The following ZNF519 variants were observed in gnomAD, a reference collection of about 807,000 sequenced individuals.
ZNF519 encodes the protein similar to Zinc finger protein 85 (Zinc finger protein HPF4) (HTF1).
ZNF519 carries 7 observed loss-of-function variants against 7.4 expected under a neutral mutation model. That is an observed-to-expected ratio of 0.94 (90% confidence interval 0.54 to 1.77). The LOEUF is 1.77. Among genes scored for constraint, ZNF519 ranks in the 40% most tolerant of loss-of-function variants. The pLI, the probability that ZNF519 is intolerant of heterozygous loss-of-function variation, is 0.00. For synonymous variants in ZNF519, 179 were observed against 203.3 expected (o/e 0.88, Z 1.02); for missense variants, 586 against 623.1 (o/e 0.94, Z 0.63).
intron 2 of ZNF519, among the ~76,000 whole-genome samples, chr18:14,114,485 A>G (rs2046236628): frequency 6.6e-6 from 1 of 152,092 alleles, no homozygotes; most frequent in South Asian, 2.1e-4. Context: ...CTACTGTTTC[A>G]CTGATCAATA....
intron 2 of ZNF519, among the ~76,000 whole-genome samples, chr18:14,094,284 C>G (rs2046125668): frequency 6.6e-6 from 1 of 152,220 alleles, no homozygotes; most frequent in Non-Finnish European, 1.5e-5. Flanking sequence ...AACATTATGT[C>G]TCTTTCTAAA....
Position 14,109,052 on chromosome 18 carries a change from A to G in ZNF519, c.131-2643T>C, listed in dbSNP as rs562991972. The stretch of plus-strand genomic sequence containing the variant: ...AACCTGGGAGGCAGAGGTTGCAGGG[A>G]GCCCAGATTGCACCATTGTACTCCA... On this transcript the variant is annotated intron_variant, in intron 2 of 2. Transcript: ENST00000590202. 6.6e-4 allele frequency among the ~76,000 whole-genome samples: 100 copies of G among 152,110 alleles called. 2 individuals carry two copies. The South Asian group carries it at 7.7e-3, about 12-fold the overall frequency.
chr18:14,106,133 G>GTA lies in ZNF519; in HGVS notation c.405_406dup (p.Thr136IlefsTer8). 1 of 1,611,830 alleles carries GTA rather than the reference G, an allele frequency of 6.2e-7. No individual in the cohort carries two copies. The highest frequency in any genetic ancestry group is 8.5e-7 in the Non-Finnish European group (1 of 1,179,482). On this transcript the variant is annotated frameshift_variant, in exon 3 of 3. Transcript: ENST00000590202. LOFTEE classifies it low-confidence loss of function (END_TRUNC). ...TTTATTCATAGGAATACATGGTTCT[G>GTA]TAGGAGCAGCTGACAGAAACTGAGG...
downstream of ZNF519, chr18:14,074,036 C>T (rs1449659657): frequency 6.6e-6 from 1 of 152,174 alleles, no homozygotes; most frequent in African/African-American, 2.4e-5. Context: ...TGTGATCAAA[C>T]CTAGAAGATT....
rs559663330 is a variant in ZNF519 at position 14,105,793 on chromosome 18, T to C, written c.747A>G (p.Gln249=). 111 of 1,609,622 alleles carry C rather than the reference T, an allele frequency of 6.9e-5. No individual in the cohort carries two copies. The highest frequency in any genetic ancestry group is 8.1e-5 in the Non-Finnish European group (96 of 1,178,932). Residue 249 remains glutamine (Q), a synonymous_variant, in exon 3 of 3, where the codon CAA becomes CAG. Transcript: ENST00000590202. The part of the protein sequence containing the change: ...CNKKCIIVFS[Q]SHLKGHKIIN... ...TTATCTTATGTCCCTTTAGATGTGA[T>C]TGACTAAAGACTATTATACATTTTT...
At chr18:14,096,644 T>C (rs1196772074), downstream of ZNF519, among the ~76,000 whole-genome samples, 1 of 152,088 alleles carries the variant, frequency 6.6e-6, no homozygotes, top group Non-Finnish European at 1.5e-5. Flanking sequence ...GTCTCCCGAG[T>C]AGCTAGGATC....
At chr18:14,072,510 A>C (rs974917112), downstream of ZNF519, 1 of 152,030 alleles carries the variant, frequency 6.6e-6, no homozygotes, top group Non-Finnish European at 1.5e-5. Context: ...TTTTGACAAC[A>C]CTTGTCTAGG....
chr18:14,120,857 T>C (rs75583193), intron 2 of ZNF519, among the ~76,000 whole-genome samples: 6,014 of 152,184 alleles, frequency 0.04, 155 homozygotes, highest in East Asian at 0.13. Context: ...TAATATCACT[T>C]CTAGGCATAC....
intron 2 of ZNF519, among the ~76,000 whole-genome samples, chr18:14,107,367 T>C (rs2046198563): frequency 6.6e-6 from 1 of 152,110 alleles, no homozygotes; most frequent in African/African-American, 2.4e-5. Flanking sequence ...ATGAAAAATT[T>C]TGGCACTGAC....
intron 2 of ZNF519, among the ~76,000 whole-genome samples, chr18:14,088,892 T>C (rs2046102360): frequency 6.6e-6 from 1 of 151,802 alleles, no homozygotes; most frequent in Non-Finnish European, 1.5e-5. Flanking sequence ...AGGAGGACTT[T>C]GGAAAATAGT....
intron 2 of ZNF519, among the ~76,000 whole-genome samples, chr18:14,092,640 T>G (rs2046119172): frequency 6.6e-6 from 1 of 152,142 alleles, no homozygotes; most frequent in African/African-American, 2.4e-5. Context: ...CTCCATGAAC[T>G]GGGACTTCAG....
At chr18:14,078,383 A>G (rs886340943) in intron 3 of ZNF519, 3 of 152,216 alleles carry the variant, frequency 2.0e-5, no homozygotes, top group Non-Finnish European at 4.4e-5. Flanking sequence ...TTCTAAGAAT[A>G]CATATTTTAT....
At position 14,107,821 on chromosome 18, in the gene ZNF519, C is replaced by T. The variant is rs150480470; in HGVS notation, c.131-1412G>A. 1.9e-3 allele frequency among the ~76,000 whole-genome samples: 293 copies of T among 152,208 alleles called. 3 individuals carry two copies. Among genetic ancestry groups the T allele is most frequent in the African/African-American group, 6.7e-3 (280 of 41,522 alleles). ...CCCCATGGGCCTGTGGTGATGGTAGCAATGGGATGAGGCTCTTCTGCCTGT... is the reference window on the plus strand; with the variant it reads ...CCCCATGGGCCTGTGGTGATGGTAGTAATGGGATGAGGCTCTTCTGCCTGT... On this transcript the variant is annotated intron_variant, in intron 2 of 2. Transcript: ENST00000590202.
In ZNF519 at chr18:14,109,938, A is replaced by G. The variant is rs549593809; in HGVS notation, c.131-3529T>C. Among the ~76,000 whole-genome samples the G allele has an allele frequency of 5.9e-5, 9 of 152,316 alleles. No homozygotes were observed. The East Asian group carries it at 1.2e-3, about 20-fold the overall frequency. The stretch of plus-strand genomic sequence containing the variant: ...GCATCACATTACCCTACTTCAAATT[A>G]TACTACAAAGCTATAGCTACCAAAA... On this transcript the variant is annotated intron_variant, in intron 2 of 2. Transcript: ENST00000590202.
chr18:14,107,748 A>C (rs905703103), intron 2 of ZNF519, among the ~76,000 whole-genome samples: 4 of 152,128 alleles, frequency 2.6e-5, no homozygotes, highest in African/African-American at 9.7e-5. Flanking sequence ...CAAGTGAACT[A>C]AAGAGCCTTG....
At chr18:14,073,712 T>A (rs1229142686), downstream of ZNF519, 4 of 152,244 alleles carry the variant, frequency 2.6e-5, no homozygotes, top group Non-Finnish European at 5.9e-5. Context: ...TCATGATGTA[T>A]AATATACTTA....
chr18:14,119,096 C>T (rs986139121), intron 2 of ZNF519, among the ~76,000 whole-genome samples: 1 of 152,124 alleles, frequency 6.6e-6, no homozygotes, highest in Non-Finnish European at 1.5e-5. Flanking sequence ...CTAATCTTTC[C>T]AGGTCCCAAA....
intron 2 of ZNF519, among the ~76,000 whole-genome samples, chr18:14,115,124 T>C (rs1223211090): frequency 1.3e-5 from 2 of 152,228 alleles, no homozygotes; most frequent in Non-Finnish European, 2.9e-5. Flanking sequence ...GCTGTAGCTT[T>C]ATCCATTCCA....
intron 2 of ZNF519, among the ~76,000 whole-genome samples, chr18:14,106,963 C>A (rs1282565238): frequency 1.3e-5 from 2 of 150,878 alleles, no homozygotes; most frequent in Non-Finnish European, 2.9e-5. Context: ...TGAGTTCTGG[C>A]AAGCCTCATC....
Sources: gnomAD v4.1 joint callset for allele counts (sites outside exome capture counted in the v4.1 genomes callset) on GRCh38, gnomAD v4.1.1 for gene constraint, MANE v1.5 for transcripts, NCBI Gene and HGNC (gene_info 2026-07-23, HGNC 2026-07-21) for gene names.